Variants in ATP8A2 observed in about 807,000 individuals in gnomAD.
ATP8A2 encodes phospholipid-transporting ATPase IB.
Under a neutral mutation model 165.6 loss-of-function variants are expected in ATP8A2, and 100 were observed. The observed-to-expected ratio is 0.60, with a 90% CI of 0.51 to 0.71. The LOEUF is 0.71. Among genes scored for constraint, ATP8A2 ranks in the 30% least tolerant of loss-of-function variants. ATP8A2 has a pLI of 0.00. For synonymous variants in ATP8A2, 543 were observed against 548.8 expected, an observed-to-expected ratio of 0.99 and a Z score of 0.15; for missense variants, 1,227 against 1,479.5, an observed-to-expected ratio of 0.83 and a Z score of 2.80.
chr13:25,438,755 C>T (rs547202776), intron 1 of ATP8A2, among the ~76,000 whole-genome samples: 1 of 152,274 alleles, frequency 6.6e-6, no homozygotes, highest in African/African-American at 2.4e-5. Context: ...TAAATTCAGC[C>T]TAGTTGGCTG....
chr13:25,684,112 C>T (rs992809981), intron 24 of ATP8A2, among the ~76,000 whole-genome samples: 3 of 152,162 alleles, frequency 2.0e-5, no homozygotes, highest in Non-Finnish European at 2.9e-5. Flanking sequence ...AAGGCTTCCG[C>T]CCAGGATAAC....
rs140770382 is a variant in ATP8A2, at chr13:25,686,308, A to G, written c.2212-12865A>G. On this transcript the variant is annotated intron_variant, in intron 24 of 36. Transcript: ENST00000381655. The stretch of plus-strand genomic sequence containing the variant: ...TGCGTCACGGGCCTGAGGGGCAGGA[A>G]CATGATGCAGTGCTCCAAGGAGACC... 8.5e-3 allele frequency among the ~76,000 whole-genome samples: 1,288 copies of G among 152,328 alleles called. 16 individuals are homozygous for G. Among genetic ancestry groups the G allele is most frequent in the African/African-American group, 0.029 (1,215 of 41,574 alleles).
At chr13:25,578,735 AG>A in intron 20 of ATP8A2, 79 bp from the exon 21 acceptor site, 1 of 848,068 alleles carries the variant, frequency 1.2e-6, no homozygotes, top group Non-Finnish European at 2.0e-6. Flanking sequence ...TTAGATAAAC[AG>A]AAACAAAGCC....
intron 27 of ATP8A2, among the ~76,000 whole-genome samples, chr13:25,826,835 G>C: frequency 6.7e-6 from 1 of 149,262 alleles, no homozygotes; most frequent in African/African-American, 2.5e-5. Flanking sequence ...CTGTCCTCCC[G>C]GTGGCTCGGC....
rs564176076 is a variant in ATP8A2 at position 25,598,922 on chromosome 13, C to A, written c.2211+9223C>A. On this transcript the variant is annotated intron_variant, in intron 24 of 36. Coordinates refer to ENST00000381655, the MANE Select transcript of ATP8A2 (RefSeq NM_016529.6). ...CTCTAGAACTACTGCAGCTTTCCTA[C>A]CAAGTTATAACCTGTTGGTGCTGCT... Among the ~76,000 whole-genome samples, 179 of 152,238 alleles carry A rather than the reference C, an allele frequency of 1.2e-3. 3 individuals carry two copies. The highest frequency in any genetic ancestry group is 4.0e-3 in the African/African-American group (166 of 41,546).
rs116195004 is a variant in ATP8A2 at position 25,841,912 on chromosome 13, G to A, written c.2956+2288G>A. Among the ~76,000 whole-genome samples the A allele has an allele frequency of 5.9e-3, 894 of 152,204 alleles. 10 individuals carry two copies. The highest frequency in any genetic ancestry group is 0.02 in the African/African-American group (847 of 41,514). On this transcript the variant is annotated intron_variant, in intron 30 of 36. Coordinates refer to ENST00000381655, the MANE Select transcript of ATP8A2 (RefSeq NM_016529.6). ...GTCATCCCATGGTGGAAGGATATGG[G>A]GTAGAGAGAGAAGGAAGGAACCCAT...
chr13:26,016,475 T>G (rs1238017465), intron 36 of ATP8A2, among the ~76,000 whole-genome samples: 1 of 152,190 alleles, frequency 6.6e-6, no homozygotes, highest in Non-Finnish European at 1.5e-5. Flanking sequence ...AGTTATGAGC[T>G]GAAGAAACCC....
chr13:25,520,252 T>A (rs1487582284), intron 2 of ATP8A2, among the ~76,000 whole-genome samples: 2 of 152,198 alleles, frequency 1.3e-5, no homozygotes, highest in African/African-American at 4.8e-5. Context: ...CTCTCACATA[T>A]GAGTGAGAAC....
intron 25 of ATP8A2, among the ~76,000 whole-genome samples, chr13:25,717,534 G>A (rs1030477118): frequency 3.3e-5 from 5 of 151,928 alleles, no homozygotes; most frequent in Admixed American, 2.0e-4. Context: ...TATGAAACTG[G>A]GTAAGTGGTG....
chr13:25,535,250 GATA>G (rs1280709723), intron 6 of ATP8A2, among the ~76,000 whole-genome samples: 2 of 152,210 alleles, frequency 1.3e-5, no homozygotes, highest in African/African-American at 4.8e-5. Context: ...TCCCCAAAAT[GATA>G]ATAATCTAAT....
At chr13:25,698,389 G>T (rs1566058379) in intron 24 of ATP8A2, among the ~76,000 whole-genome samples, 1 of 151,986 alleles carries the variant, frequency 6.6e-6, no homozygotes, top group African/African-American at 2.4e-5. Context: ...ACACCACCAT[G>T]CCTGGATAAT....
intron 33 of ATP8A2, among the ~76,000 whole-genome samples, chr13:25,881,546 A>G (rs1952978208): frequency 6.6e-6 from 1 of 152,254 alleles, no homozygotes; most frequent in South Asian, 2.1e-4. Context: ...TATGTATACA[A>G]AAAGGATAGA....
chr13:25,729,233 T>C (rs1362683045), intron 25 of ATP8A2, among the ~76,000 whole-genome samples: 1 of 152,250 alleles, frequency 6.6e-6, no homozygotes, highest in Non-Finnish European at 1.5e-5. Context: ...GACTACAGGC[T>C]AAGCATACTT....
chr13:25,808,582 G>C lies in ATP8A2; in HGVS notation c.2680-19536G>C, dbSNP rs576834645. On this transcript the variant is annotated intron_variant, in intron 27 of 36. Coordinates refer to ENST00000381655, the MANE Select transcript of ATP8A2 (RefSeq NM_016529.6). ...CCACTGCACTCCAGCCTGGGTGACA[G>C]AGCAAGACTCCATCTCAAAAAAAAA... Among the ~76,000 whole-genome samples the C allele has an allele frequency of 2.7e-5, 4 of 149,966 alleles. No individual in the cohort carries two copies. The South Asian group carries it at 8.5e-4, about 32-fold the overall frequency.
At chr13:25,506,065 G>A (rs1481381572) in intron 2 of ATP8A2, among the ~76,000 whole-genome samples, 1 of 152,162 alleles carries the variant, frequency 6.6e-6, no homozygotes. Context: ...GAGGAAATTG[G>A]ATCTAACAAG....
At position 25,953,545 on chromosome 13, in the gene ATP8A2, A is replaced by AAAAACAAC. The variant is rs1566299785; in HGVS notation, c.3184-8029_3184-8028insAAACAACA. Among the ~76,000 whole-genome samples, 1,043 of 122,596 alleles carry AAAAACAAC rather than the reference A, an allele frequency of 8.5e-3. 14 individuals carry two copies. Among genetic ancestry groups the AAAAACAAC allele is most frequent in the African/African-American group, 0.035 (955 of 27,578 alleles). The allele number at this position is 122,596 out of a possible 152,430, so 80.4% of individuals were successfully genotyped here. On this transcript the variant is annotated intron_variant, in intron 33 of 36. Transcript: ENST00000381655. The surrounding 1 kb of genome is among the most constrained non-coding windows in gnomAD (Gnocchi z 6.7). ...TTTAAAAAAAAAAAAAAAAAAAAAAAAGCAAGGGAAATAGGCAAGACGGCC... is the reference window on the plus strand; with the variant it reads ...TTTAAAAAAAAAAAAAAAAAAAAAAAAAAACAACAGCAAGGGAAATAGGCAAGACGGCC...
intron 2 of ATP8A2, among the ~76,000 whole-genome samples, chr13:25,499,074 G>A (rs1194717399): frequency 2.0e-5 from 3 of 152,284 alleles, no homozygotes; most frequent in South Asian, 2.1e-4. Context: ...TGTGGCAGGG[G>A]ATAACTGCCC....
chr13:25,531,420 GATATATATATGATTATATATATGA>G (rs1566230461), intron 4 of ATP8A2, among the ~76,000 whole-genome samples: 1 of 32,790 alleles, frequency 3.0e-5, no homozygotes, highest in Non-Finnish European at 7.7e-5. Context: ...TTATATATAT[GATATATATATGATTATATATATGA>G]TTATATATAT....
At chr13:25,738,696 T>G (rs1007474120) in intron 25 of ATP8A2, among the ~76,000 whole-genome samples, 18 of 152,248 alleles carry the variant, frequency 1.2e-4, no homozygotes, top group African/African-American at 3.4e-4. Context: ...GCAAAATGAC[T>G]GGAATCAAGG....
Sources: gnomAD v4.1 joint callset for allele counts (sites outside exome capture counted in the v4.1 genomes callset) on GRCh38, gnomAD v4.1.1 for gene constraint, Gnocchi (gnomAD v3.1) non-coding constraint, MANE v1.5 for transcripts, NCBI Gene and HGNC (gene_info 2026-07-23, HGNC 2026-07-21) for gene names.